CHN2: variants seen among roughly 807,000 people sequenced by gnomAD.
CHN2 encodes chimerin 2, also known as beta-chimaerin.
CHN2 carries 35 observed loss-of-function variants against 56.3 expected under a neutral mutation model. The ratio of observed to expected loss-of-function variants is 0.62; its 90% confidence interval spans 0.47 to 0.82. CHN2 has a LOEUF of 0.82. Ranked by LOEUF, CHN2 falls within the 40% of genes least tolerant of loss-of-function variation. CHN2 has a pLI of 0.00. For synonymous variants in CHN2, 210 were observed against 212.8 expected (o/e 0.99, Z 0.12); for missense variants, 491 against 580.5 (o/e 0.85, Z 1.58).
chr7:29,189,162 G>T (rs1156567609), intron 2 of CHN2, among the ~76,000 whole-genome samples: 1 of 151,904 alleles, frequency 6.6e-6, no homozygotes, highest in Admixed American at 6.6e-5. Context: ...TGTTGGCCAG[G>T]CTGGTCTCGA....
chr7:29,441,617 A>G (rs1001229412), intron 6 of CHN2, among the ~76,000 whole-genome samples: 30 of 152,252 alleles, frequency 2.0e-4, no homozygotes, highest in African/African-American at 6.5e-4. Context: ...AAAATAGGCA[A>G]GAAACTTCAA....
At chr7:29,291,254 C>T (rs1792595300) in intron 1 of CHN2, among the ~76,000 whole-genome samples, 1 of 152,126 alleles carries the variant, frequency 6.6e-6, no homozygotes, top group Non-Finnish European at 1.5e-5. Context: ...AGCTGATCAC[C>T]AGTTTCAGGT....
rs1793801547 is a variant in CHN2, at chr7:29,302,815, C to A, written c.50-51810C>A. On this transcript the variant is annotated intron_variant, in intron 1 of 12. Coordinates refer to ENST00000222792, the MANE Select transcript of CHN2 (RefSeq NM_004067.4). ...CACCATTCTACTTTCTGTATTTGAA[C>A]TGACTACTCCACATACCTCATATAA... 4.6e-5 allele frequency among the ~76,000 whole-genome samples: 7 copies of A among 152,188 alleles called. No homozygotes were observed. In the South Asian group the frequency reaches 1.4e-3, roughly 31 times the overall value.
intron 6 of CHN2, among the ~76,000 whole-genome samples, chr7:29,461,654 C>T (rs1021197551): frequency 5.3e-5 from 8 of 152,206 alleles, no homozygotes; most frequent in African/African-American, 1.7e-4. Flanking sequence ...TCCTAGGCTG[C>T]CAACACTTCT....
chr7:29,452,029 G>A (rs188933625), intron 6 of CHN2, among the ~76,000 whole-genome samples: 5 of 152,350 alleles, frequency 3.3e-5, no homozygotes, highest in South Asian at 4.1e-4. Flanking sequence ...CAGGTTGCAC[G>A]TGTGTGTGGC....
chr7:29,149,447 G>A lies in CHN2; in HGVS notation c.274+2487G>A, dbSNP rs191172212. On this transcript the variant is annotated intron_variant, in intron 2 of 6. Coordinates refer to the CHN2 transcript ENST00000439384. Reference sequence around the variant, plus strand: ...GACCGCAAGTTATCCACCTGCCTTGGCCTCCCAAAGTGCTGGGATTACAGG... The same window carrying A: ...GACCGCAAGTTATCCACCTGCCTTGACCTCCCAAAGTGCTGGGATTACAGG... 2.6e-3 allele frequency among the ~76,000 whole-genome samples: 402 copies of A among 152,146 alleles called. 2 individuals carry two copies. The highest frequency in any genetic ancestry group is 4.3e-3 in the Non-Finnish European group (292 of 68,006).
chr7:29,187,508 G>A (rs1402169710), intron 2 of CHN2, among the ~76,000 whole-genome samples: 1 of 152,114 alleles, frequency 6.6e-6, no homozygotes, highest in Non-Finnish European at 1.5e-5. Flanking sequence ...CGGATCACCT[G>A]AGGTCAGGAG....
intron 2 of CHN2, among the ~76,000 whole-genome samples, chr7:29,365,531 A>G (rs138366176): frequency 8.7e-4 from 132 of 152,364 alleles, no homozygotes; most frequent in African/African-American, 1.2e-3. Flanking sequence ...AGACTCCTTC[A>G]TGAAGTTGAT....
At chr7:29,300,465 A>C (rs1793573101) in intron 1 of CHN2, among the ~76,000 whole-genome samples, 1 of 142,794 alleles carries the variant, frequency 7.0e-6, no homozygotes, top group Non-Finnish European at 1.6e-5. Flanking sequence ...CTGGCTTCTG[A>C]ATGGACAATC....
chr7:29,167,114 G>T (rs547531865), intron 2 of CHN2, among the ~76,000 whole-genome samples: 1 of 152,012 alleles, frequency 6.6e-6, no homozygotes, highest in Non-Finnish European at 1.5e-5. Context: ...TCTGTCCCTG[G>T]TAACATCCCT....
intron 6 of CHN2, among the ~76,000 whole-genome samples, chr7:29,425,384 C>G (rs1804760380): frequency 6.6e-6 from 1 of 152,186 alleles, no homozygotes; most frequent in African/African-American, 2.4e-5. Flanking sequence ...AGCTGAGGAA[C>G]AGAGGACATG....
chr7:29,221,884 C>T (rs1785831157), intron 1 of CHN2, among the ~76,000 whole-genome samples: 1 of 152,088 alleles, frequency 6.6e-6, no homozygotes, highest in South Asian at 2.1e-4. Flanking sequence ...GGGTTGATTC[C>T]ATGTCTTTGC....
chr7:29,241,505 C>T (rs1476313603), intron 1 of CHN2, among the ~76,000 whole-genome samples: 2 of 152,032 alleles, frequency 1.3e-5, no homozygotes, highest in Non-Finnish European at 2.9e-5. Flanking sequence ...TGGGGACCCT[C>T]TCCCGCCTGG....
intron 2 of CHN2, among the ~76,000 whole-genome samples, chr7:29,363,169 T>C (rs2128034626): frequency 6.6e-6 from 1 of 152,212 alleles, no homozygotes; most frequent in Middle Eastern, 3.4e-3. Flanking sequence ...TCAAGAGGAA[T>C]AAAGGGACAC....
intron 1 of CHN2, among the ~76,000 whole-genome samples, chr7:29,209,202 G>A (rs1027862718): frequency 2.0e-5 from 3 of 152,070 alleles, no homozygotes; most frequent in Non-Finnish European, 2.9e-5. Flanking sequence ...AGGCCTGAAC[G>A]GAACAGGGTT....
At chr7:29,226,575 T>C (rs1052075008) in intron 1 of CHN2, among the ~76,000 whole-genome samples, 2 of 152,206 alleles carry the variant, frequency 1.3e-5, no homozygotes, top group African/African-American at 2.4e-5. Context: ...TAAAATGTCA[T>C]ATGCTGTTAC....
upstream of CHN2, chr7:29,194,663 C>T (rs1267197384): frequency 8.7e-6 from 3 of 343,386 alleles, no homozygotes; most frequent in Non-Finnish European, 1.6e-5. Flanking sequence ...CCCGGCTGCC[C>T]CTCGGCCTCC....
At chr7:29,256,460 A>G (rs970737487) in intron 1 of CHN2, among the ~76,000 whole-genome samples, 1 of 152,226 alleles carries the variant, frequency 6.6e-6, no homozygotes, top group African/African-American at 2.4e-5. Context: ...CAATTTTAAC[A>G]CAAGTACAAT....
intron 7 of CHN2, among the ~76,000 whole-genome samples, chr7:29,481,466 T>A (rs1228058933): frequency 6.6e-6 from 1 of 152,208 alleles, no homozygotes; most frequent in Non-Finnish European, 1.5e-5. Flanking sequence ...TCCCTGCATC[T>A]GTTTTTAGAA....
Sources: gnomAD v4.1 joint callset for allele counts (sites outside exome capture counted in the v4.1 genomes callset) on GRCh38, gnomAD v4.1.1 for gene constraint, MANE v1.5 for transcripts, NCBI Gene and HGNC (gene_info 2026-07-23, HGNC 2026-07-21) for gene names.